The following FNDC3A variants were observed in gnomAD, a reference collection of about 807,000 sequenced individuals.
The protein encoded by FNDC3A is fibronectin type-III domain-containing protein 3A.
FNDC3A carries 32 observed loss-of-function variants against 148.9 expected under a neutral mutation model. That is an observed-to-expected ratio of 0.21 (90% confidence interval 0.16 to 0.29). FNDC3A has a LOEUF of 0.29. Ranked by LOEUF, FNDC3A falls within the 10% of genes least tolerant of loss-of-function variation. The pLI is 1.00. For synonymous variants in FNDC3A, 472 were observed against 473.6 expected, an observed-to-expected ratio of 1.00 and a Z score of 0.04; for missense variants, 1,191 against 1,452.8, an observed-to-expected ratio of 0.82 and a Z score of 2.93.
At chr13:48,983,385 C>G (rs1469511634) in intron 1 of FNDC3A, among the ~76,000 whole-genome samples, 1 of 152,158 alleles carries the variant, frequency 6.6e-6, no homozygotes. Context: ...ACCAGTACTA[C>G]TGGAGTCAGC....
At chr13:49,074,944 CT>C (rs1411606859) in intron 2 of FNDC3A, among the ~76,000 whole-genome samples, 1 of 152,170 alleles carries the variant, frequency 6.6e-6, no homozygotes, top group East Asian at 1.9e-4. Context: ...TCAGTTTATA[CT>C]TTAGAAAAAC....
chr13:49,115,381 A>G (rs1490771507), intron 4 of FNDC3A, among the ~76,000 whole-genome samples: 1 of 152,142 alleles, frequency 6.6e-6, no homozygotes, highest in Non-Finnish European at 1.5e-5. Context: ...GCCTCAATCT[A>G]TTTTGGGAAA....
chr13:49,179,635 T>G (rs1030147151), intron 14 of FNDC3A, among the ~76,000 whole-genome samples: 1 of 152,222 alleles, frequency 6.6e-6, no homozygotes, highest in African/African-American at 2.4e-5. Flanking sequence ...CTTCTCCCCA[T>G]TTATATCAGT....
At chr13:49,098,813 T>C (rs1406077249) in intron 3 of FNDC3A, among the ~76,000 whole-genome samples, 1 of 152,156 alleles carries the variant, frequency 6.6e-6, no homozygotes, top group African/African-American at 2.4e-5. Context: ...AATTTAAGCA[T>C]TCTGCTTTAT....
chr13:49,103,193 G>A (rs190310124), intron 3 of FNDC3A, among the ~76,000 whole-genome samples: 3 of 152,368 alleles, frequency 2.0e-5, no homozygotes, highest in African/African-American at 4.8e-5. Flanking sequence ...GCTATAAGCT[G>A]TCATTAGAAT....
At chr13:49,041,184 G>A (rs962526500) in intron 2 of FNDC3A, among the ~76,000 whole-genome samples, 11 of 152,058 alleles carry the variant, frequency 7.2e-5, no homozygotes, top group African/African-American at 2.4e-4. Context: ...GTTTAATCTG[G>A]CATGTTGGCG....
At chr13:49,070,300 AAGT>A (rs1877564045) in intron 2 of FNDC3A, among the ~76,000 whole-genome samples, 1 of 152,088 alleles carries the variant, frequency 6.6e-6, no homozygotes, top group Non-Finnish European at 1.5e-5. Flanking sequence ...CCCAGCTAAT[AAGT>A]AGTGTTAAAA....
chr13:49,160,832 T>G (rs1320669471), intron 8 of FNDC3A, among the ~76,000 whole-genome samples: 1 of 151,848 alleles, frequency 6.6e-6, no homozygotes, highest in African/African-American at 2.4e-5. Flanking sequence ...TTTGTTCTCA[T>G]TGGTTTCAAA....
Position 49,191,367 on chromosome 13 carries a change from G to A in FNDC3A, c.2209G>A (p.Ala737Thr). The change falls in exon 19 of 26, where the codon GCA becomes ACA. Residue 737 changes from alanine (A) to threonine (T), a missense_variant. Around this residue, in one of 3 missense-constraint regions of FNDC3A, gnomAD observed 751 missense variants for 944.0 expected, o/e 0.80. Coordinates refer to ENST00000492622, the MANE Select transcript of FNDC3A (RefSeq NM_001079673.2). ...PGKTYSFRLRAANKMGFGPFS... is the reference protein window; with the variant it reads ...PGKTYSFRLRTANKMGFGPFS... ...AAAGACATACAGCTTCAGACTACGTGCAGCTAACAAAATGGGGGTAAGAAG... is the reference window on the plus strand; with the variant it reads ...AAAGACATACAGCTTCAGACTACGTACAGCTAACAAAATGGGGGTAAGAAG... 2 of 1,594,852 alleles carry A rather than the reference G, an allele frequency of 1.3e-6. No homozygotes were observed. Among genetic ancestry groups the A allele is most frequent in the Non-Finnish European group, 1.7e-6 (2 of 1,174,448 alleles).
At chr13:49,165,156 G>A (rs1357828855) in intron 8 of FNDC3A, among the ~76,000 whole-genome samples, 7 of 151,944 alleles carry the variant, frequency 4.6e-5, no homozygotes, top group Admixed American at 3.9e-4. Flanking sequence ...TTATAATCTG[G>A]GATTTCTTAA....
intron 7 of FNDC3A, among the ~76,000 whole-genome samples, chr13:49,141,399 T>A (rs1248342612): frequency 6.6e-6 from 1 of 152,218 alleles, no homozygotes; most frequent in African/African-American, 2.4e-5. Context: ...CTTTTTGCTT[T>A]CAGAATCATT....
intron 3 of FNDC3A, among the ~76,000 whole-genome samples, chr13:49,085,092 C>A (rs1878720809): frequency 6.6e-6 from 1 of 152,124 alleles, no homozygotes; most frequent in South Asian, 2.1e-4. Context: ...CAGTTAGTAA[C>A]CATTTTCTCC....
intron 11 of FNDC3A, 82 bp from the exon 12 acceptor site, chr13:49,174,353 G>A: frequency 8.7e-7 from 1 of 1,147,052 alleles, no homozygotes; most frequent in Non-Finnish European, 1.3e-6. Context: ...TTGCTAATAT[G>A]TAACTGTCAA....
intron 1 of FNDC3A, among the ~76,000 whole-genome samples, chr13:49,004,173 T>A (rs1952178362): frequency 6.6e-6 from 1 of 152,046 alleles, no homozygotes; most frequent in African/African-American, 2.4e-5. Context: ...AAGATAAGAC[T>A]AGAATGTAGA....
Position 49,178,565 on chromosome 13 carries a change from C to A in FNDC3A, c.1531-3C>A. 1 of 1,576,914 alleles carries A rather than the reference C, an allele frequency of 6.3e-7. No individual in the cohort carries two copies. ...ATGAAGACTTTGTTTTTTCCTTTTC[C>A]AGGGATATGGTTTTAAGCCTAAATA... On this transcript the variant is annotated splice_region_variant and splice_polypyrimidine_tract_variant and intron_variant, in intron 13 of 25. Transcript: ENST00000492622.
chr13:49,037,212 G>A (rs897656947), intron 2 of FNDC3A, among the ~76,000 whole-genome samples: 13 of 152,116 alleles, frequency 8.5e-5, no homozygotes, highest in Non-Finnish European at 1.5e-4. Context: ...CAGTAACAGC[G>A]AATATGTGCA....
chr13:49,045,278 C>T (rs908902642), intron 2 of FNDC3A, among the ~76,000 whole-genome samples: 2 of 152,004 alleles, frequency 1.3e-5, no homozygotes, highest in Non-Finnish European at 2.9e-5. Flanking sequence ...CTCAGTCTCC[C>T]GAGTAGCTGG....
intron 3 of FNDC3A, among the ~76,000 whole-genome samples, chr13:49,111,997 A>G (rs1031310819): frequency 3.9e-5 from 6 of 152,224 alleles, no homozygotes; most frequent in Non-Finnish European, 7.3e-5. Context: ...AAATGGTTTG[A>G]ATTGTAACTA....
chr13:49,092,077 A>T (rs576771011), intron 3 of FNDC3A, among the ~76,000 whole-genome samples: 2 of 152,140 alleles, frequency 1.3e-5, no homozygotes, highest in East Asian at 3.9e-4. Flanking sequence ...TGATTCACCT[A>T]TGGGGGCCTG....
Sources: gnomAD v4.1 joint callset for allele counts (sites outside exome capture counted in the v4.1 genomes callset) on GRCh38, gnomAD v4.1.1 for gene constraint, gnomAD v4.1.1 regional missense constraint, MANE v1.5 for transcripts, NCBI Gene and HGNC (gene_info 2026-07-23, HGNC 2026-07-21) for gene names.